The following SRARP variants were observed in gnomAD, a reference collection of about 807,000 sequenced individuals.
The protein encoded by SRARP is steroid receptor associated and regulated protein.
SRARP carries 5 observed loss-of-function variants against 3.6 expected under a neutral mutation model. That is an observed-to-expected ratio of 1.39 (90% CI 0.73 to 2.93). SRARP has a LOEUF of 2.93. Ranked by LOEUF, SRARP falls within the 30% of genes most tolerant of loss-of-function variation. The pLI is 0.00. For synonymous variants in SRARP, 96 were observed against 91.6 expected (o/e 1.05, Z -0.27); for missense variants, 215 against 216.7 (o/e 0.99, Z 0.05).
At chr1:16,004,713 C>CAAAAAA (rs1190178584) in intron 1 of SRARP, among the ~76,000 whole-genome samples, 7 of 31,608 alleles carry the variant, frequency 2.2e-4, no homozygotes, top group Admixed American at 1.3e-3. Flanking sequence ...GACTCCATCT[C>CAAAAAA]AAAAAAAAAA....
Position 16,008,273 on chromosome 1 carries a change from A to T in SRARP, c.*1927A>T, listed in dbSNP as rs549657307. The T allele has an allele frequency of 6.6e-6, 1 of 152,034 alleles. No individual in the cohort carries two copies. Among genetic ancestry groups the T allele is most frequent in the Non-Finnish European group, 1.5e-5 (1 of 68,000 alleles). The allele number at this position is 152,034 out of a possible 1,614,324, so 9.4% of individuals were successfully genotyped here. ...TACAAAAGGGTGGGGTGGGGGAGCA[A>T]GTGGGGAGTGCTCTGGGCAGAAGGA... On this transcript the variant is annotated 3_prime_UTR_variant, in exon 2 of 2. Coordinates refer to ENST00000329454, the MANE Select transcript of SRARP (RefSeq NM_178840.4).
rs1211622477 is a variant in SRARP at position 16,006,448 on chromosome 1, T to C, written c.*102T>C. On this transcript the variant is annotated 3_prime_UTR_variant, in exon 2 of 2. Transcript: ENST00000329454. Reference sequence around the variant, plus strand: ...CTTTTGTGCTTGAGCCAAGGAAACATCATTAGATCCGCTAAGGGGCATCTG... The same window carrying C: ...CTTTTGTGCTTGAGCCAAGGAAACACCATTAGATCCGCTAAGGGGCATCTG... 1 of 1,291,772 alleles carries C rather than the reference T, an allele frequency of 7.7e-7. No individual in the cohort carries two copies. Among genetic ancestry groups the C allele is most frequent in the Admixed American group, 2.8e-5 (1 of 36,050 alleles). The allele number at this position is 1,291,772 out of a possible 1,614,324, so 80.0% of individuals were successfully genotyped here. A position where few individuals can be genotyped will look rare whatever the true frequency, so the allele number is the denominator to read the frequency against.
At chr1:16,005,755 C>T (rs759152270) in intron 1 of SRARP, among the ~76,000 whole-genome samples, 164 bp from the exon 2 acceptor site, 2 of 152,156 alleles carry the variant, frequency 1.3e-5, no homozygotes, top group African/African-American at 2.4e-5. Flanking sequence ...AGCCTGTAGT[C>T]CCAGCTACTT....
chr1:16,006,315 TCTC>T lies in SRARP; in HGVS notation c.483_485del (p.Ser162del). 1 of 1,606,350 alleles carries T rather than the reference TCTC, an allele frequency of 6.2e-7. No homozygotes were observed. Among genetic ancestry groups the T allele is most frequent in the Non-Finnish European group, 8.5e-7 (1 of 1,176,760 alleles). Reference sequence around the variant, plus strand: ...ACAGTCAAGGACTCACTGAAAGCCCTCTCCTCTTGTGTCTGTGGGCAGGCCGAT... The same window carrying T: ...ACAGTCAAGGACTCACTGAAAGCCCTCTCTTGTGTCTGTGGGCAGGCCGAT... On this transcript the variant is annotated inframe_deletion, in exon 2 of 2. Coordinates refer to ENST00000329454, the MANE Select transcript of SRARP (RefSeq NM_178840.4).
Position 16,007,504 on chromosome 1 carries a change from C to T in SRARP, c.*1158C>T, listed in dbSNP as rs1473321440. ...TCACCCAGGCTGGAGTGCAGTGGAA[C>T]AATCACAGCTCACTGCAGCCTCAAA... On this transcript the variant is annotated 3_prime_UTR_variant, in exon 2 of 2. Transcript: ENST00000329454. 1.3e-5 allele frequency: 2 copies of T among 152,234 alleles called. No homozygotes were observed. Among genetic ancestry groups the T allele is most frequent in the African/African-American group, 4.8e-5 (2 of 41,436 alleles). The allele number at this position is 152,234 out of a possible 1,614,324, so 9.4% of individuals were successfully genotyped here. A position where few individuals can be genotyped will look rare whatever the true frequency, so the allele number is the denominator to read the frequency against.
At chr1:16,005,128 T>TG (rs1366500089) in intron 1 of SRARP, among the ~76,000 whole-genome samples, 2 of 152,156 alleles carry the variant, frequency 1.3e-5, no homozygotes, top group Non-Finnish European at 2.9e-5. Flanking sequence ...CAAGATTATC[T>TG]GGGGAGGGGG....
rs1211515764 is a variant in SRARP, at chr1:16,006,324, G to C, written c.488G>C (p.Cys163Ser). 6.2e-6 allele frequency: 10 copies of C among 1,603,520 alleles called. No individual in the cohort carries two copies. The highest frequency in any genetic ancestry group is 4.4e-5 in the South Asian group (4 of 90,452). The change falls in exon 2 of 2, where the codon TGT (cysteine) becomes TCT (serine). Residue 163 changes from cysteine to serine, a missense_variant. Coordinates refer to ENST00000329454, the MANE Select transcript of SRARP (RefSeq NM_178840.4). ...VKDSLKALSSCVCGQAD is the reference protein window; with the variant it reads ...VKDSLKALSSSVCGQAD ...GACTCACTGAAAGCCCTCTCCTCTT[G>C]TGTCTGTGGGCAGGCCGATTAGCTG...
chr1:16,005,836 TG>T, intron 1 of SRARP, 82 bp from the exon 2 acceptor site: 2 of 1,362,282 alleles, frequency 1.5e-6, no homozygotes, highest in Non-Finnish European at 1.0e-6. Context: ...ACCTCCAGCC[TG>T]GGCGACAGAG....
chr1:16,004,258 G>C lies in SRARP; in HGVS notation c.-46G>C. The C allele has an allele frequency of 6.7e-7, 1 of 1,486,852 alleles. No homozygotes were observed. Among genetic ancestry groups the C allele is most frequent in the Non-Finnish European group, 9.2e-7 (1 of 1,085,286 alleles). 92.1% of individuals were successfully genotyped at this position (1,486,852 alleles called of 1,614,324 possible). A position where few individuals can be genotyped will look rare whatever the true frequency, so the allele number is the denominator to read the frequency against. ...GCCACATCCTGGAAGAGTGGCCTAG[G>C]ACAGCTCCTCTCCTGCCAGAGCTAG... On this transcript the variant is annotated 5_prime_UTR_variant, in exon 1 of 2. Coordinates refer to ENST00000329454, the MANE Select transcript of SRARP (RefSeq NM_178840.4).
chr1:16,006,781 C>T lies in SRARP; in HGVS notation c.*435C>T, dbSNP rs1170060573. 1 of 160,404 alleles carries T rather than the reference C, an allele frequency of 6.2e-6. No individual in the cohort carries two copies. 9.9% of individuals were successfully genotyped at this position (160,404 alleles called of 1,614,324 possible). A position where few individuals can be genotyped will look rare whatever the true frequency, so the allele number is the denominator to read the frequency against. On this transcript the variant is annotated 3_prime_UTR_variant, in exon 2 of 2. Transcript: ENST00000329454. ...TTCCTGATGCAGTGCTTGGTAAGGG[C>T]CTCTCTGCGCAGGCAACAAAGTGTG...
At position 16,007,146 on chromosome 1, in the gene SRARP, G is replaced by A. The variant is rs2073134050; in HGVS notation, c.*800G>A. 2 of 151,744 alleles carry A rather than the reference G, an allele frequency of 1.3e-5. No individual in the cohort carries two copies. The highest frequency in any genetic ancestry group is 6.6e-5 in the Admixed American group (1 of 15,244). The allele number at this position is 151,744 out of a possible 1,614,324, so 9.4% of individuals were successfully genotyped here. A position where few individuals can be genotyped will look rare whatever the true frequency, so the allele number is the denominator to read the frequency against. On this transcript the variant is annotated 3_prime_UTR_variant, in exon 2 of 2. Transcript: ENST00000329454. ...GATCTGGCTTCTCAAAAGGGAGGGA[G>A]GTACTCAAAAATAGAGTATCATGTT...
chr1:16,004,539 C>T (rs890578241), intron 1 of SRARP, among the ~76,000 whole-genome samples, 154 bp downstream of exon 1: 5 of 152,040 alleles, frequency 3.3e-5, no homozygotes, highest in South Asian at 2.1e-4. Flanking sequence ...ATAGTGAAAC[C>T]CCATATCTGC....
chr1:16,005,965 G>A lies in SRARP; in HGVS notation c.129G>A (p.Leu43=), dbSNP rs2073124721. 6.2e-7 allele frequency: 1 copy of A among 1,609,040 alleles called. No individual in the cohort carries two copies. Among genetic ancestry groups the A allele is most frequent in the South Asian group, 1.1e-5 (1 of 90,204 alleles). The change falls in exon 2 of 2, where the codon CTG becomes CTA. Residue 43 remains leucine, a synonymous_variant. Coordinates refer to ENST00000329454, the MANE Select transcript of SRARP (RefSeq NM_178840.4). ...GHQKTVPTAH[L]TFVIDCTHGK... is the part of the protein sequence containing the mutation. ...AGAAGACCGTCCCCACGGCTCACCT[G>A]ACTTTTGTTATTGACTGCACCCACG...
rs551318790 is a variant in SRARP at position 16,006,694 on chromosome 1, G to A, written c.*348G>A. Reference sequence around the variant, plus strand: ...AATAAAGAAGATGATTTTGAACAGCGATGAATGCTCTGCAGGAACTGAAAC... The same window carrying A: ...AATAAAGAAGATGATTTTGAACAGCAATGAATGCTCTGCAGGAACTGAAAC... On this transcript the variant is annotated 3_prime_UTR_variant, in exon 2 of 2. Transcript: ENST00000329454. 40 of 218,634 alleles carry A rather than the reference G, an allele frequency of 1.8e-4. No homozygotes were observed. The highest frequency in any genetic ancestry group is 3.4e-4 in the Non-Finnish European group (37 of 110,202). The allele number at this position is 218,634 out of a possible 1,614,324, so 13.5% of individuals were successfully genotyped here. A position where few individuals can be genotyped will look rare whatever the true frequency, so the allele number is the denominator to read the frequency against.
At chr1:16,005,521 G>C (rs1372210913) in intron 1 of SRARP, among the ~76,000 whole-genome samples, 1 of 152,180 alleles carries the variant, frequency 6.6e-6, no homozygotes, top group Admixed American at 6.5e-5. Flanking sequence ...GTCCTCCTCT[G>C]TTGGTGTATC....
At chr1:16,005,156 C>T (rs552792467) in intron 1 of SRARP, among the ~76,000 whole-genome samples, 1 of 152,228 alleles carries the variant, frequency 6.6e-6, no homozygotes, top group South Asian at 2.1e-4. Flanking sequence ...CAAGATGCTC[C>T]CTGAGACCCA....
In SRARP at chr1:16,006,223, C is replaced by G. The variant is rs375090286; in HGVS notation, c.387C>G (p.Pro129=). The G allele has an allele frequency of 1.9e-6, 3 of 1,613,894 alleles. No homozygotes were observed. In the East Asian group the frequency reaches 6.7e-5, roughly 36 times the overall value. The change falls in exon 2 of 2, where the codon CCC becomes CCG. Residue 129 remains proline (P), a synonymous_variant. Coordinates refer to ENST00000329454, the MANE Select transcript of SRARP (RefSeq NM_178840.4). The part of the protein sequence containing the change: ...SASFPVSPLC[P]QEVPEAKGKP... ...CCTTCCCAGTCAGCCCGCTCTGCCC[C>G]CAGGAGGTTCCCGAGGCTAAGGGGA...
chr1:16,007,615 T>C lies in SRARP; in HGVS notation c.*1269T>C, dbSNP rs1230270331. ...CCACTACGCCCAGCTTGACTTCTTT[T>C]AGTAGAGAAGAGGTCTCACTGTGCT... On this transcript the variant is annotated 3_prime_UTR_variant, in exon 2 of 2. Coordinates refer to ENST00000329454, the MANE Select transcript of SRARP (RefSeq NM_178840.4). 6.6e-6 allele frequency: 1 copy of C among 152,176 alleles called. No homozygotes were observed. The highest frequency in any genetic ancestry group is 2.4e-5 in the African/African-American group (1 of 41,410). 9.4% of individuals were successfully genotyped at this position (152,176 alleles called of 1,614,324 possible).
In SRARP at chr1:16,004,379, A is replaced by G. The variant is rs757405039; in HGVS notation, c.76A>G (p.Ser26Gly). 1.9e-6 allele frequency: 3 copies of G among 1,603,842 alleles called. No individual in the cohort carries two copies. The highest frequency in any genetic ancestry group is 2.6e-6 in the Non-Finnish European group (3 of 1,175,256). Residue 26 changes from serine to glycine, a missense_variant, in exon 1 of 2, where the codon AGC becomes GGC. Physicochemically the swap from Ser to Gly is moderately conservative, Grantham distance 56. Coordinates refer to ENST00000329454, the MANE Select transcript of SRARP (RefSeq NM_178840.4). ...GTIRETGLET[S>G]SGGKLAGHQK... is the part of the protein sequence containing the mutation. ...CATCCGTGAGACAGGCCTGGAGACC[A>G]GCTCCGGTAAGAGGCGGCAAAGGGA...
Sources: allele counts gnomAD v4.1 joint callset (sites outside exome capture counted in the v4.1 genomes callset), GRCh38; gene constraint gnomAD v4.1.1; transcripts MANE v1.5; gene names NCBI Gene and HGNC (gene_info 2026-07-23, HGNC 2026-07-21).